The following PPP1R16B variants were observed in gnomAD, a reference collection of about 807,000 sequenced individuals.
PPP1R16B encodes the protein protein phosphatase 1 regulatory inhibitor subunit 16B.
PPP1R16B carries 14 observed loss-of-function variants against 61.7 expected under a neutral mutation model. That is an observed-to-expected ratio of 0.23 (90% CI 0.15 to 0.35). PPP1R16B has a LOEUF of 0.35. PPP1R16B is among the 10% of genes least tolerant of loss of function. The pLI is 1.00. For missense variants in PPP1R16B, 547 were observed against 752.5 expected, an observed-to-expected ratio of 0.73 and a Z score of 3.19; for synonymous variants, 266 against 305.3, an observed-to-expected ratio of 0.87 and a Z score of 1.34.
At chr20:38,828,876 G>C (rs552478110) in intron 1 of PPP1R16B, among the ~76,000 whole-genome samples, 1 of 152,328 alleles carries the variant, frequency 6.6e-6, no homozygotes, top group South Asian at 2.1e-4. Context: ...TAACACTCTT[G>C]TAATAGTCTT....
Position 38,922,060 on chromosome 20 carries a change from C to A in PPP1R16B, c.*3394C>A, listed in dbSNP as rs1165188166. 1 of 152,224 alleles carries A rather than the reference C, an allele frequency of 6.6e-6. No individual in the cohort carries two copies. Among genetic ancestry groups the A allele is most frequent in the Admixed American group, 6.5e-5 (1 of 15,286 alleles). The allele number at this position is 152,224 out of a possible 1,614,324, so 9.4% of individuals were successfully genotyped here. On this transcript the variant is annotated 3_prime_UTR_variant, in exon 11 of 11. Transcript: ENST00000299824. ...TATGCCCCAAACAACTGAAAGTTGG[C>A]GGTTATCACCAGACTGTGAGTTTCT...
intron 1 of PPP1R16B, among the ~76,000 whole-genome samples, chr20:38,821,995 T>TA (rs1216380610): frequency 5.4e-5 from 7 of 130,144 alleles, no homozygotes; most frequent in Admixed American, 8.0e-5. Flanking sequence ...ATATATATAT[T>TA]AATATATATA....
At chr20:38,910,027 TG>T (rs2085476331) in intron 10 of PPP1R16B, among the ~76,000 whole-genome samples, 1 of 152,218 alleles carries the variant, frequency 6.6e-6, no homozygotes, top group Non-Finnish European at 1.5e-5. Flanking sequence ...TTACCCAGGC[TG>T]GAGTGCAGTG....
chr20:38,895,360 C>A (rs972236046), intron 3 of PPP1R16B, among the ~76,000 whole-genome samples: 2 of 150,734 alleles, frequency 1.3e-5, no homozygotes, highest in African/African-American at 5.0e-5. Context: ...CATTTTTACT[C>A]ACAAGGAGAC....
chr20:38,810,548 A>G (rs2084694122), intron 1 of PPP1R16B, among the ~76,000 whole-genome samples: 2 of 152,138 alleles, frequency 1.3e-5, no homozygotes, highest in African/African-American at 4.8e-5. Context: ...CCTCTTCCTG[A>G]GATGCTTTTC....
chr20:38,823,090 C>A (rs1229805432), intron 1 of PPP1R16B, among the ~76,000 whole-genome samples: 1 of 152,084 alleles, frequency 6.6e-6, no homozygotes, highest in Non-Finnish European at 1.5e-5. Flanking sequence ...GGCTGGAGAT[C>A]AAAGAGGGGA....
At chr20:38,837,021 G>A (rs909052166) in intron 2 of PPP1R16B, among the ~76,000 whole-genome samples, 2 of 152,200 alleles carry the variant, frequency 1.3e-5, no homozygotes, top group Non-Finnish European at 2.9e-5. Flanking sequence ...ACAGGATCTT[G>A]CAATTCATAA....
At position 38,895,995 on chromosome 20, in the gene PPP1R16B, T is replaced by TTCC. The variant is rs1568679195; in HGVS notation, c.467+285_467+286insTCC. On this transcript the variant is annotated intron_variant, in intron 4 of 10. Coordinates refer to ENST00000299824, the MANE Select transcript of PPP1R16B (RefSeq NM_015568.4). Reference sequence around the variant, plus strand: ...CCCTCCCTCCCTCCTTCCTTCTTTCTCTCCTCCCTTCCCCCCTTCCTTCTT... The same window carrying TTCC: ...CCCTCCCTCCCTCCTTCCTTCTTTCTTCCCTCCTCCCTTCCCCCCTTCCTTCTT... 9.0e-4 allele frequency among the ~76,000 whole-genome samples: 97 copies of TTCC among 107,836 alleles called. 5 individuals carry two copies. Among genetic ancestry groups the TTCC allele is most frequent in the African/African-American group, 2.0e-3 (48 of 24,172 alleles). The allele number at this position is 107,836 out of a possible 152,430, so 70.7% of individuals were successfully genotyped here.
intron 2 of PPP1R16B, among the ~76,000 whole-genome samples, chr20:38,860,756 T>C (rs763919058): frequency 1.2e-4 from 18 of 152,202 alleles, no homozygotes; most frequent in Non-Finnish European, 1.8e-4. Flanking sequence ...TTTCTGTGCA[T>C]CTACTATGAG....
At chr20:38,836,239 C>G (rs2084871611) in intron 2 of PPP1R16B, 64 bp downstream of exon 2, 1 of 1,557,286 alleles carries the variant, frequency 6.4e-7, no homozygotes, top group Admixed American at 1.8e-5. Context: ...GTTTGGAATC[C>G]AGGTTCTGTG....
intron 1 of PPP1R16B, among the ~76,000 whole-genome samples, chr20:38,824,385 G>A (rs533385693): frequency 2.6e-5 from 4 of 152,178 alleles, no homozygotes; most frequent in African/African-American, 7.2e-5. Flanking sequence ...CCCTGGTCAC[G>A]AATACTGTGG....
At chr20:38,885,036 C>CAAAAAAAAA (rs71330453) in intron 2 of PPP1R16B, among the ~76,000 whole-genome samples, 4 of 67,806 alleles carry the variant, frequency 5.9e-5, no homozygotes, top group Admixed American at 1.9e-4. Context: ...AACTCTGTCT[C>CAAAAAAAAA]AAAAAAAAAA....
intron 2 of PPP1R16B, among the ~76,000 whole-genome samples, chr20:38,883,984 T>C (rs2085222845): frequency 6.6e-6 from 1 of 152,140 alleles, no homozygotes; most frequent in African/African-American, 2.4e-5. Flanking sequence ...TCTGACAAAC[T>C]GATGGCAGAG....
In PPP1R16B at chr20:38,883,361, C is replaced by T. The variant is rs558346273; in HGVS notation, c.251-6234C>T. On this transcript the variant is annotated intron_variant, in intron 2 of 10. Transcript: ENST00000299824. ...GCCAAAGAAAACACAAGCTTGTCAG[C>T]GGTGATGTCTCCCTGCAAAGGCAGC... Among the ~76,000 whole-genome samples, 340 of 152,348 alleles carry T rather than the reference C, an allele frequency of 2.2e-3. 2 individuals are homozygous for T. Among genetic ancestry groups the T allele is most frequent in the African/African-American group, 7.9e-3 (330 of 41,576 alleles).
intron 2 of PPP1R16B, among the ~76,000 whole-genome samples, chr20:38,843,562 C>T (rs527778382): frequency 2.0e-5 from 3 of 152,302 alleles, no homozygotes; most frequent in South Asian, 2.1e-4. Context: ...TAGAGGAATC[C>T]GCAATGCCTT....
chr20:38,889,552 C>T (rs541508628), intron 2 of PPP1R16B, 43 bp from the exon 3 acceptor site: 1 of 1,479,026 alleles, frequency 6.8e-7, no homozygotes, highest in South Asian at 1.1e-5. Flanking sequence ...CCTGCACACC[C>T]AGTGTGCAAC....
chr20:38,838,220 C>T (rs1286878079), intron 2 of PPP1R16B: 2 of 152,458 alleles, frequency 1.3e-5, no homozygotes, highest in Admixed American at 6.5e-5. Flanking sequence ...TCCCTGTTCC[C>T]CTTGGCGCCC....
intron 1 of PPP1R16B, among the ~76,000 whole-genome samples, chr20:38,832,729 G>C (rs1400000482): frequency 1.3e-5 from 2 of 152,008 alleles, no homozygotes; most frequent in African/African-American, 4.8e-5. Flanking sequence ...GACCAGCCTG[G>C]CCAACATGGT....
At chr20:38,916,447 TTATATA>T (rs537097474) in intron 10 of PPP1R16B, among the ~76,000 whole-genome samples, 1 of 149,622 alleles carries the variant, frequency 6.7e-6, no homozygotes, top group African/African-American at 2.4e-5. Flanking sequence ...ATAAACTAGA[TTATATA>T]TATATATCTT....
Sources: gnomAD v4.1 joint callset for allele counts (sites outside exome capture counted in the v4.1 genomes callset) on GRCh38, gnomAD v4.1.1 for gene constraint, MANE v1.5 for transcripts, NCBI Gene and HGNC (gene_info 2026-07-23, HGNC 2026-07-21) for gene names.